Variants in KIF14 observed in about 807,000 individuals in gnomAD.
KIF14 encodes the protein kinesin family member 14.
Under a neutral mutation model 176.2 loss-of-function variants are expected in KIF14, and 98 were observed. That is an observed-to-expected ratio of 0.56 (90% CI 0.47 to 0.66). The LOEUF (loss-of-function observed/expected upper bound fraction) is 0.66, where lower values mean the gene tolerates loss of function less well. Ranked by LOEUF, KIF14 falls within the 30% of genes least tolerant of loss-of-function variation. The pLI is 0.00. For missense variants in KIF14, 1,751 were observed against 1,920.4 expected (o/e 0.91, Z 1.65); for synonymous variants, 566 against 632.2 (o/e 0.90, Z 1.57).
chr1:200,590,818 A>G (rs1257714333), intron 16 of KIF14, among the ~76,000 whole-genome samples: 3 of 152,202 alleles, frequency 2.0e-5, no homozygotes, highest in African/African-American at 7.2e-5. Flanking sequence ...TGAGCTCAGG[A>G]GTTCGAGACC....
Position 200,589,359 on chromosome 1 carries a change from G to C in KIF14, c.2972C>G (p.Ser991Cys). The C allele has an allele frequency of 2.5e-6, 4 of 1,603,942 alleles. No individual in the cohort carries two copies. Among genetic ancestry groups the C allele is most frequent in the Non-Finnish European group, 3.4e-6 (4 of 1,174,914 alleles). ...TATTTCCTGCATTTTTTTCCTTTGA[G>C]ACTCTTCTCTCTTTAAAGAACAATA... ...KALEAELREE[S>C]QRKKMQEINN... Residue 991 changes from serine to cysteine, a missense_variant, in exon 18 of 30, where the codon TCT (serine) becomes TGT (cysteine). Ser to Cys is a moderately radical substitution (Grantham distance 112). Transcript: ENST00000367350.
At chr1:200,614,270 A>C (rs1271647017) in intron 4 of KIF14, 48 bp downstream of exon 4, 1 of 999,250 alleles carries the variant, frequency 1.0e-6, no homozygotes, top group South Asian at 1.4e-5. Flanking sequence ...ACTTGATTTG[A>C]CTATTTTCTA....
chr1:200,601,151 G>C lies in KIF14; in HGVS notation c.2153-648C>G, dbSNP rs1328052806. Among the ~76,000 whole-genome samples, 3 of 152,120 alleles carry C rather than the reference G, an allele frequency of 2.0e-5. No individual in the cohort carries two copies. In the East Asian group the frequency reaches 5.8e-4, roughly 29 times the overall value. ...GCCTGCGTTAGCCTCTCAAAGTGCT[G>C]GGATTATAGGCATGAGCCACCATGC... On this transcript the variant is annotated intron_variant, in intron 11 of 29. Transcript: ENST00000367350.
At position 200,594,259 on chromosome 1, in the gene KIF14, G is replaced by GA. The variant is rs1278086511; in HGVS notation, c.2550-491dup. On this transcript the variant is annotated intron_variant, in intron 14 of 29. Coordinates refer to ENST00000367350, the MANE Select transcript of KIF14 (RefSeq NM_014875.3). ...CTCCAATTAGATTTTGAAGTTTGGTGAAAAAAGCCTGGCCTCTAGCAATCC... is the reference window on the plus strand; with the variant it reads ...CTCCAATTAGATTTTGAAGTTTGGTGAAAAAAAGCCTGGCCTCTAGCAATCC... Among the ~76,000 whole-genome samples, 3 of 148,452 alleles carry GA rather than the reference G, an allele frequency of 2.0e-5. No homozygotes were observed. In the East Asian group the frequency reaches 6.1e-4, roughly 30 times the overall value.
intron 25 of KIF14, among the ~76,000 whole-genome samples, chr1:200,562,609 C>T (rs1012931829): frequency 1.8e-4 from 27 of 152,172 alleles, no homozygotes; most frequent in Admixed American, 1.6e-3. Flanking sequence ...TAAGCACTGA[C>T]CATCCTTCAA....
chr1:200,567,532 T>TA (rs35456574), intron 23 of KIF14, among the ~76,000 whole-genome samples: 59,841 of 127,614 alleles, frequency 0.47, 16,199 homozygotes, highest in African/African-American at 0.76. Flanking sequence ...AGACTCCGTC[T>TA]AAAAAAAAAA....
At position 200,618,014 on chromosome 1, in the gene KIF14, G is replaced by T. The variant is rs372780335; in HGVS notation, c.710C>A (p.Thr237Lys). 1.2e-6 allele frequency: 2 copies of T among 1,613,996 alleles called. No homozygotes were observed. The highest frequency in any genetic ancestry group is 2.2e-5 in the South Asian group (2 of 91,086). The change falls in exon 2 of 30, where the codon ACG becomes AAG. Residue 237 changes from threonine to lysine, a missense_variant. Coordinates refer to ENST00000367350, the MANE Select transcript of KIF14 (RefSeq NM_014875.3). ...ATCCAACTTGCTCTGAGTAGGTTTC[G>T]TTGTCAAGTGTCCTGATCTAACAAC... ...TEVVRSGHLT[T>K]KPTQSKLDIK...
chr1:200,601,403 C>T (rs1659617336), intron 11 of KIF14, among the ~76,000 whole-genome samples: 1 of 152,148 alleles, frequency 6.6e-6, no homozygotes, highest in Non-Finnish European at 1.5e-5. Context: ...AGATTTCTTG[C>T]AGGCATTAAA....
At chr1:200,556,851 G>C (rs1379683730) in intron 27 of KIF14, among the ~76,000 whole-genome samples, 1 of 152,208 alleles carries the variant, frequency 6.6e-6, no homozygotes, top group Non-Finnish European at 1.5e-5. Flanking sequence ...GTGGTGGTCT[G>C]AATGAGCCTT....
chr1:200,618,845 G>GA lies in KIF14; in HGVS notation c.-115-8dup, dbSNP rs201792546. ...TCTGAAAGTATCTGCTAAACTAAAA[G>GA]AAAAAAAAAAGATTTAGATCACACA... is the stretch of plus-strand genomic sequence containing the variant. On this transcript the variant is annotated splice_polypyrimidine_tract_variant and splice_region_variant and intron_variant, in intron 1 of 29. Coordinates refer to ENST00000367350, the MANE Select transcript of KIF14 (RefSeq NM_014875.3). 21,004 of 635,034 alleles carry GA rather than the reference G, an allele frequency of 0.033. 124 individuals are homozygous for GA. Among genetic ancestry groups the GA allele is most frequent in the Middle Eastern group, 0.048 (131 of 2,716 alleles). 39.3% of individuals were successfully genotyped at this position (635,034 alleles called of 1,614,324 possible).
chr1:200,617,497 G>A, intron 2 of KIF14, 115 bp downstream of exon 2: 1 of 994,212 alleles, frequency 1.0e-6, no homozygotes. Context: ...CTATATAAAA[G>A]TATTGCCAAC....
At chr1:200,562,660 C>T (rs1657225369) in intron 25 of KIF14, among the ~76,000 whole-genome samples, 1 of 152,170 alleles carries the variant, frequency 6.6e-6, no homozygotes, top group Non-Finnish European at 1.5e-5. Context: ...TCAGACCCTT[C>T]GCTTCTGGCT....
At chr1:200,598,179 A>T in intron 14 of KIF14, 58 bp downstream of exon 14, 1 of 1,459,472 alleles carries the variant, frequency 6.9e-7, no homozygotes, top group Non-Finnish European at 9.4e-7. Flanking sequence ...GAAGGAAACC[A>T]CATGTTATCA....
rs765444338 is a variant in KIF14, at chr1:200,606,847, TGTA to T, written c.1555-52_1555-50del. ...CATTAGGAGTATGACAAATATTTCA[TGTA>T]ACTTGAAATGATCACTTTTTCTACA... On this transcript the variant is annotated intron_variant, in intron 5 of 29. Transcript: ENST00000367350. 93 of 1,391,060 alleles carry T rather than the reference TGTA, an allele frequency of 6.7e-5. No homozygotes were observed. The Middle Eastern group carries it at 1.2e-3, about 18-fold the overall frequency. 86.2% of individuals were successfully genotyped at this position (1,391,060 alleles called of 1,614,324 possible).
chr1:200,617,371 A>G (rs573365766), intron 2 of KIF14, among the ~76,000 whole-genome samples: 15 of 152,250 alleles, frequency 9.9e-5, no homozygotes, highest in Non-Finnish European at 1.8e-4. Flanking sequence ...GACTTTTTAA[A>G]AGCAATATAT....
At chr1:200,600,000 T>C (rs1014426257) in intron 13 of KIF14, 50 bp downstream of exon 13, 12 of 1,094,364 alleles carry the variant, frequency 1.1e-5, no homozygotes, top group Non-Finnish European at 1.6e-5. Flanking sequence ...TATTTATTTC[T>C]TGGCATATTT....
chr1:200,608,103 T>C (rs971602632), intron 5 of KIF14, among the ~76,000 whole-genome samples: 2 of 152,186 alleles, frequency 1.3e-5, no homozygotes, highest in Non-Finnish European at 2.9e-5. Context: ...TTGTGAAACT[T>C]TCTATTTCAC....
chr1:200,612,538 G>A (rs77118212), intron 4 of KIF14, among the ~76,000 whole-genome samples: 3,562 of 152,174 alleles, frequency 0.023, 51 homozygotes, highest in Non-Finnish European at 0.035. Context: ...ACTTGGACTT[G>A]AATCATATTT....
At chr1:200,557,223 C>T (rs536047241) in intron 27 of KIF14, among the ~76,000 whole-genome samples, 24 of 152,188 alleles carry the variant, frequency 1.6e-4, no homozygotes, top group Admixed American at 7.2e-4. Context: ...AGGATGGTCT[C>T]GATCTCTTGA....
Sources: gnomAD v4.1 joint callset for allele counts (sites outside exome capture counted in the v4.1 genomes callset) on GRCh38, gnomAD v4.1.1 for gene constraint, MANE v1.5 for transcripts, NCBI Gene and HGNC (gene_info 2026-07-23, HGNC 2026-07-21) for gene names.